SEMA3C: variants seen among roughly 807,000 people sequenced by gnomAD.
SEMA3C encodes the protein semaphorin-3C.
Under a neutral mutation model 89.4 loss-of-function variants are expected in SEMA3C, and 47 were observed. The ratio of observed to expected loss-of-function variants is 0.53; its 90% CI spans 0.42 to 0.67. The LOEUF (loss-of-function observed/expected upper bound fraction) is 0.67. SEMA3C is among the 30% of genes least tolerant of loss of function. The pLI, the probability that SEMA3C is intolerant of heterozygous loss-of-function variation, is 0.00. For synonymous variants in SEMA3C, 310 were observed against 320.2 expected (o/e 0.97, Z 0.34); for missense variants, 839 against 929.1 (o/e 0.90, Z 1.26).
At chr7:80,817,632 A>G (rs569394889) in intron 5 of SEMA3C, among the ~76,000 whole-genome samples, 2 of 152,272 alleles carry the variant, frequency 1.3e-5, no homozygotes, top group African/African-American at 4.8e-5. Context: ...CATTAGCTAT[A>G]TATTTGACTA....
In SEMA3C at chr7:80,904,960, G is replaced by A. The variant is rs1393455575; in HGVS notation, c.103+11719C>T. ...ACAGTTTCTTTTTCCTGAATTTTCA[G>A]AATCTTAGCGCTAACTTTCTAACTT... is the stretch of plus-strand genomic sequence containing the variant. On this transcript the variant is annotated intron_variant, in intron 2 of 17. Transcript: ENST00000265361. Among the ~76,000 whole-genome samples, 5 of 151,576 alleles carry A rather than the reference G, an allele frequency of 3.3e-5. No individual in the cohort carries two copies. The East Asian group carries it at 7.8e-4, about 24-fold the overall frequency.
chr7:80,754,978 T>TTTTTTTTTTTTTTTTTTTTTTTTTA (rs1788033633), intron 15 of SEMA3C, among the ~76,000 whole-genome samples: 1 of 114,398 alleles, frequency 8.7e-6, no homozygotes, highest in Admixed American at 9.6e-5. Flanking sequence ...TTTTGTATTT[T>TTTTTTTTTTTTTTTTTTTTTTTTTA]TAGTAGAGAT....
intron 2 of SEMA3C, among the ~76,000 whole-genome samples, chr7:80,839,190 A>G (rs1790206840): frequency 6.6e-6 from 1 of 152,196 alleles, no homozygotes; most frequent in Admixed American, 6.6e-5. Flanking sequence ...CTATATAAGG[A>G]CAACACAGAT....
chr7:80,778,829 G>C (rs1265751862), intron 12 of SEMA3C, among the ~76,000 whole-genome samples: 2 of 152,114 alleles, frequency 1.3e-5, no homozygotes, highest in Admixed American at 1.3e-4. Flanking sequence ...CTTCCTTTTA[G>C]TGTTTGTTCT....
At chr7:80,861,655 T>C (rs1245322318) in intron 2 of SEMA3C, among the ~76,000 whole-genome samples, 1 of 152,204 alleles carries the variant, frequency 6.6e-6, no homozygotes, top group Non-Finnish European at 1.5e-5. Flanking sequence ...TGATTTAAAT[T>C]GCAACATTTG....
At chr7:80,838,862 C>G (rs992338888) in intron 2 of SEMA3C, among the ~76,000 whole-genome samples, 1 of 152,176 alleles carries the variant, frequency 6.6e-6, no homozygotes, top group Admixed American at 6.5e-5. Context: ...CCAGTTCTCT[C>G]CCTTGACACG....
chr7:80,762,819 T>C (rs1308728591), intron 13 of SEMA3C, among the ~76,000 whole-genome samples: 2 of 152,054 alleles, frequency 1.3e-5, no homozygotes, highest in Non-Finnish European at 2.9e-5. Flanking sequence ...TTTCAAAAAA[T>C]AATAATAATA....
chr7:80,753,462 A>C (rs1391619343), intron 15 of SEMA3C, among the ~76,000 whole-genome samples: 1 of 152,202 alleles, frequency 6.6e-6, no homozygotes, highest in Non-Finnish European at 1.5e-5. Flanking sequence ...ACAAACTCTC[A>C]AGCTGGGCAA....
intron 2 of SEMA3C, among the ~76,000 whole-genome samples, chr7:80,834,487 A>T (rs1490841106): frequency 6.6e-6 from 1 of 152,204 alleles, no homozygotes; most frequent in Non-Finnish European, 1.5e-5. Flanking sequence ...ATATTGTTAC[A>T]GCAATTATAA....
At chr7:80,844,810 T>G (rs183796806) in intron 2 of SEMA3C, among the ~76,000 whole-genome samples, 1 of 152,148 alleles carries the variant, frequency 6.6e-6, no homozygotes, top group South Asian at 2.1e-4. Context: ...CAGTGCAAAC[T>G]CGACCATCAA....
chr7:80,817,333 A>T (rs191937117), intron 5 of SEMA3C, among the ~76,000 whole-genome samples: 18 of 152,292 alleles, frequency 1.2e-4, no homozygotes, highest in Admixed American at 5.9e-4. Flanking sequence ...TAAGCTTTAG[A>T]TCAGTAGACA....
chr7:80,786,871 G>C (rs17154443), intron 12 of SEMA3C, among the ~76,000 whole-genome samples: 6,890 of 152,250 alleles, frequency 0.045, 372 homozygotes, highest in East Asian at 0.25. Flanking sequence ...TGGGAGATTG[G>C]ATTAACTGCT....
intron 2 of SEMA3C, among the ~76,000 whole-genome samples, chr7:80,894,787 A>G (rs1475874900): frequency 6.6e-6 from 1 of 151,956 alleles, no homozygotes; most frequent in Non-Finnish European, 1.5e-5. Flanking sequence ...CATCCTTCAC[A>G]CTGCATTATC....
At chr7:80,750,473 T>TATATATCCACACACACAC (rs869227686) in intron 16 of SEMA3C, among the ~76,000 whole-genome samples, 1 of 55,436 alleles carries the variant, frequency 1.8e-5, no homozygotes, top group Non-Finnish European at 3.5e-5. Context: ...TATATATATA[T>TATATATCCACACACACAC]ACACACACAC....
chr7:80,816,859 A>T (rs752162798), intron 5 of SEMA3C, among the ~76,000 whole-genome samples: 6 of 152,234 alleles, frequency 3.9e-5, no homozygotes, highest in Non-Finnish European at 8.8e-5. Flanking sequence ...TTTTTTGGAC[A>T]GAATTTCCAA....
At chr7:80,886,207 T>C (rs957321124) in intron 2 of SEMA3C, among the ~76,000 whole-genome samples, 6 of 152,162 alleles carry the variant, frequency 3.9e-5, no homozygotes, top group Non-Finnish European at 8.8e-5. Context: ...GTCTACCTTT[T>C]TTTTTTACTT....
intron 12 of SEMA3C, 52 bp downstream of exon 12, chr7:80,789,254 T>C: frequency 7.0e-7 from 1 of 1,424,764 alleles, no homozygotes. Flanking sequence ...TACCTATATT[T>C]AGTACATTCT....
chr7:80,806,684 C>A (rs553224474), intron 6 of SEMA3C, among the ~76,000 whole-genome samples: 2 of 152,068 alleles, frequency 1.3e-5, no homozygotes, highest in East Asian at 1.9e-4. Context: ...ACAAACGTGA[C>A]CCCTGAGTAT....
intron 12 of SEMA3C, among the ~76,000 whole-genome samples, chr7:80,781,331 A>C (rs1001233598): frequency 2.6e-5 from 4 of 152,198 alleles, no homozygotes; most frequent in Non-Finnish European, 4.4e-5. Flanking sequence ...TATTCTGCCC[A>C]CCCCATTAGT....
Sources: allele counts gnomAD v4.1 joint callset (sites outside exome capture counted in the v4.1 genomes callset), GRCh38; gene constraint gnomAD v4.1.1; transcripts MANE v1.5; gene names NCBI Gene and HGNC (gene_info 2026-07-23, HGNC 2026-07-21).